Variants in FAM107B observed in about 807,000 individuals in gnomAD.
The protein encoded by FAM107B is family with sequence similarity 107 member B.
A neutral mutation model predicts 31.5 loss-of-function variants in FAM107B; 21 were observed. The ratio of observed to expected loss-of-function variants is 0.67; its 90% CI spans 0.47 to 0.96. The LOEUF is 0.96. Among genes scored for constraint, FAM107B ranks in the 40% least tolerant of loss-of-function variants. The pLI is 0.00. For synonymous variants in FAM107B, 157 were observed against 141.5 expected, an observed-to-expected ratio of 1.11 and a Z score of -0.78; for missense variants, 452 against 377.1, an observed-to-expected ratio of 1.20 and a Z score of -1.64.
In FAM107B at chr10:14,665,494, G is replaced by C. The variant is rs1293086374; in HGVS notation, c.469+2140C>G. ...CAGAACATAGTGGGCACTATGCCAA[G>C]AGAGCAAATAAAAGCATTTATAACA... On this transcript the variant is annotated intron_variant, in intron 2 of 4. Transcript: ENST00000181796. Among the ~76,000 whole-genome samples the C allele has an allele frequency of 2.0e-5, 3 of 152,228 alleles. No homozygotes were observed. In the East Asian group the frequency reaches 5.8e-4, roughly 29 times the overall value.
chr10:14,759,588 T>C (rs1438323126), intron 1 of FAM107B, among the ~76,000 whole-genome samples: 1 of 152,190 alleles, frequency 6.6e-6, no homozygotes. Context: ...TTTTTATCTA[T>C]TAAGATTAGC....
chr10:14,537,128 G>T (rs555361921), intron 2 of FAM107B, among the ~76,000 whole-genome samples: 2 of 152,118 alleles, frequency 1.3e-5, no homozygotes, highest in Admixed American at 1.3e-4. Context: ...AACTAATGAG[G>T]TGTCCAGACC....
At chr10:14,621,462 C>T (rs1232970864) in intron 2 of FAM107B, among the ~76,000 whole-genome samples, 3 of 152,102 alleles carry the variant, frequency 2.0e-5, no homozygotes, top group Non-Finnish European at 2.9e-5. Flanking sequence ...CTTTTTAAAA[C>T]GTATATGAAA....
intron 1 of FAM107B, among the ~76,000 whole-genome samples, chr10:14,747,044 C>A (rs574119779): frequency 6.6e-6 from 1 of 152,210 alleles, no homozygotes; most frequent in Non-Finnish European, 1.5e-5. Flanking sequence ...AGCAAGATAG[C>A]CTTTAAGCTC....
chr10:14,600,444 C>T (rs2131369196), intron 2 of FAM107B, among the ~76,000 whole-genome samples: 1 of 152,230 alleles, frequency 6.6e-6, no homozygotes, highest in Admixed American at 6.5e-5. Flanking sequence ...CTAGGCAAAT[C>T]CCTATGCAGC....
intron 2 of FAM107B, among the ~76,000 whole-genome samples, chr10:14,646,995 C>T (rs961090920): frequency 2.6e-5 from 4 of 151,820 alleles, no homozygotes; most frequent in Non-Finnish European, 4.4e-5. Flanking sequence ...GGGGTTTCAC[C>T]GTGTTAGCCA....
Position 14,520,905 on chromosome 10 carries a change from T to C in FAM107B, c.*285A>G. On this transcript the variant is annotated 3_prime_UTR_variant, in exon 5 of 5. Coordinates refer to ENST00000181796, the MANE Select transcript of FAM107B (RefSeq NM_031453.4). ...AATTGATTCCAGTGTCCTCTTCCTT[T>C]TTCCTGTTCTCACTTGTTTTGCTTG... is the stretch of plus-strand genomic sequence containing the variant. The C allele has an allele frequency of 3.1e-6, 1 of 323,562 alleles. No individual in the cohort carries two copies. The highest frequency in any genetic ancestry group is 5.6e-6 in the Non-Finnish European group (1 of 180,020). The allele number at this position is 323,562 out of a possible 1,614,324, so 20.0% of individuals were successfully genotyped here. A position where few individuals can be genotyped will look rare whatever the true frequency, so the allele number is the denominator to read the frequency against.
chr10:14,732,522 G>A (rs556433026), intron 1 of FAM107B, among the ~76,000 whole-genome samples: 170 of 152,130 alleles, frequency 1.1e-3, no homozygotes, highest in African/African-American at 3.3e-3. Flanking sequence ...GGGCTGTTTC[G>A]AGAAGCAAAT....
At chr10:14,748,903 C>G (rs1448068194) in intron 1 of FAM107B, among the ~76,000 whole-genome samples, 1 of 152,234 alleles carries the variant, frequency 6.6e-6, no homozygotes, top group East Asian at 1.9e-4. Flanking sequence ...TGAGCAACCC[C>G]CAGAGGGACC....
intron 2 of FAM107B, among the ~76,000 whole-genome samples, chr10:14,598,943 C>T (rs1436005575): frequency 2.6e-5 from 4 of 152,138 alleles, no homozygotes; most frequent in Non-Finnish European, 5.9e-5. Flanking sequence ...GCCAGGCTCA[C>T]AGCTCCACAC....
At position 14,723,743 on chromosome 10, in the gene FAM107B, G is replaced by C. The variant is rs574133662; in HGVS notation, c.411+50510C>G. ...TGGATCTGGTTAGTGAAGGTTCCAGGGGTGAAGTGGCCAGCAATTAGAGTG... is the reference window on the plus strand; with the variant it reads ...TGGATCTGGTTAGTGAAGGTTCCAGCGGTGAAGTGGCCAGCAATTAGAGTG... On this transcript the variant is annotated intron_variant, in intron 1 of 4. Transcript: ENST00000181796. The C allele has an allele frequency of 1.0e-4, 79 of 757,800 alleles. No homozygotes were observed. The East Asian group carries it at 1.9e-3, about 18-fold the overall frequency. 46.9% of individuals were successfully genotyped at this position (757,800 alleles called of 1,614,324 possible).
rs74122977 is a variant in FAM107B, at chr10:14,739,643, G to A, written c.411+34610C>T. 0.011 allele frequency among the ~76,000 whole-genome samples: 1,704 copies of A among 152,290 alleles called. 79 individuals are homozygous for A. In the East Asian group the frequency reaches 0.16, roughly 14 times the overall value. On this transcript the variant is annotated intron_variant, in intron 1 of 4. Transcript: ENST00000181796. ...TGAATGAATGAATGAATGAATGAGC[G>A]AATAAAGGGAAAATATTTCATTTCC...
intron 1 of FAM107B, among the ~76,000 whole-genome samples, chr10:14,714,207 A>T (rs1470794367): frequency 6.6e-6 from 1 of 152,160 alleles, no homozygotes; most frequent in African/African-American, 2.4e-5. Flanking sequence ...ACAACAACAA[A>T]ATCTAGGAGA....
chr10:14,579,855 C>A (rs1851579006), intron 2 of FAM107B, among the ~76,000 whole-genome samples: 1 of 151,922 alleles, frequency 6.6e-6, no homozygotes, highest in African/African-American at 2.4e-5. Context: ...AACCCCATCT[C>A]TACTAAAAAT....
At chr10:14,745,296 C>G (rs1198550075) in intron 1 of FAM107B, among the ~76,000 whole-genome samples, 1 of 151,950 alleles carries the variant, frequency 6.6e-6, no homozygotes, top group Non-Finnish European at 1.5e-5. Context: ...ATGTCTCTAT[C>G]TCCTTCAGTT....
intron 2 of FAM107B, among the ~76,000 whole-genome samples, chr10:14,599,133 T>G (rs568218747): frequency 6.6e-6 from 1 of 152,278 alleles, no homozygotes; most frequent in South Asian, 2.1e-4. Flanking sequence ...CCTGCCATGG[T>G]CGGAAGAGCC....
intron 2 of FAM107B, among the ~76,000 whole-genome samples, chr10:14,626,994 A>G (rs555900513): frequency 6.6e-6 from 1 of 152,104 alleles, no homozygotes; most frequent in African/African-American, 2.4e-5. Context: ...CCAAATGGCT[A>G]TGTTCCCTCT....
intron 2 of FAM107B, 42 bp from the exon 3 acceptor site, chr10:14,530,557 T>C: frequency 6.3e-7 from 1 of 1,595,384 alleles, no homozygotes; most frequent in Non-Finnish European, 8.5e-7. Context: ...CAGTTTTTGC[T>C]AAGGCTTTTC....
chr10:14,725,962 A>G (rs528785604), intron 1 of FAM107B, among the ~76,000 whole-genome samples: 1 of 151,046 alleles, frequency 6.6e-6, no homozygotes, highest in African/African-American at 2.4e-5. Context: ...AGTAGCTGGG[A>G]TTACAGGCAT....
Sources: gnomAD v4.1 joint callset for allele counts (sites outside exome capture counted in the v4.1 genomes callset) on GRCh38, gnomAD v4.1.1 for gene constraint, MANE v1.5 for transcripts, NCBI Gene and HGNC (gene_info 2026-07-23, HGNC 2026-07-21) for gene names.